RAP2A: variants seen among roughly 807,000 people sequenced by gnomAD.
The protein encoded by RAP2A is ras-related protein Rap-2a.
Under a neutral mutation model 15.1 loss-of-function variants are expected in RAP2A, and 5 were observed. The ratio of observed to expected loss-of-function variants is 0.33; its 90% CI spans 0.17 to 0.70. RAP2A has a LOEUF of 0.70. Ranked by LOEUF, RAP2A falls within the 30% of genes least tolerant of loss-of-function variation. RAP2A has a pLI of 0.68. For missense variants in RAP2A, 111 were observed against 240.3 expected (o/e 0.46, Z 3.56); for synonymous variants, 110 against 99.7 (o/e 1.10, Z -0.62).
In RAP2A at chr13:97,434,500, C is replaced by T; in HGVS notation, c.30C>T (p.Gly10=). The T allele has an allele frequency of 6.2e-7, 1 of 1,611,866 alleles. No individual in the cohort carries two copies. Among genetic ancestry groups the T allele is most frequent in the Non-Finnish European group, 8.5e-7 (1 of 1,178,764 alleles). The part of the protein sequence containing the change: MREYKVVVL[G]SGGVGKSALT... ...GCGAGTACAAAGTGGTGGTGCTGGG[C>T]TCGGGCGGGGTAGGCAAATCCGCCC... Residue 10 remains glycine, a synonymous_variant, in exon 1 of 2, where the codon GGC becomes GGT. Transcript: ENST00000245304.
chr13:97,448,451 A>G (rs1016421499), intron 1 of RAP2A, among the ~76,000 whole-genome samples: 1 of 152,168 alleles, frequency 6.6e-6, no homozygotes, highest in Non-Finnish European at 1.5e-5. Context: ...TGATTGCCCA[A>G]GTGTGGTGTG....
Position 97,464,716 on chromosome 13 carries a change from TATG to T in RAP2A, c.*278_*280del. ...CTACAGGGTGATCTCATTTGAAAGC[TATG>T]ATGGCATTGTCGCTGAGTTGACAGA... On this transcript the variant is annotated 3_prime_UTR_variant, in exon 2 of 2. Transcript: ENST00000245304. 1 of 412,886 alleles carries T rather than the reference TATG, an allele frequency of 2.4e-6. No individual in the cohort carries two copies. The allele number at this position is 412,886 out of a possible 1,614,324, so 25.6% of individuals were successfully genotyped here.
rs1037165982 is a variant in RAP2A at position 97,468,796 on chromosome 13, T to G, written c.*4354T>G. ...TTTAAATGTATCAATAGTGGATAGT[T>G]GGAAGAACGTCTTTGAGGCTAAAAA... On this transcript the variant is annotated 3_prime_UTR_variant, in exon 2 of 2. Transcript: ENST00000245304. The G allele has an allele frequency of 2.0e-5, 3 of 152,224 alleles. No individual in the cohort carries two copies. Among genetic ancestry groups the G allele is most frequent in the African/African-American group, 7.2e-5 (3 of 41,448 alleles). 9.4% of individuals were successfully genotyped at this position (152,224 alleles called of 1,614,324 possible). A position where few individuals can be genotyped will look rare whatever the true frequency, so the allele number is the denominator to read the frequency against.
At chr13:97,450,175 T>C (rs767804604) in intron 1 of RAP2A, among the ~76,000 whole-genome samples, 9 of 152,196 alleles carry the variant, frequency 5.9e-5, no homozygotes, top group African/African-American at 1.7e-4. Context: ...TTTAAAAAAG[T>C]AGTGTAATTG....
intron 1 of RAP2A, among the ~76,000 whole-genome samples, chr13:97,446,294 A>G (rs902569017): frequency 3.9e-5 from 6 of 152,134 alleles, no homozygotes; most frequent in African/African-American, 1.4e-4. Context: ...TGACAATTCA[A>G]ATCCCATTTG....
intron 1 of RAP2A, among the ~76,000 whole-genome samples, chr13:97,444,628 G>A (rs2389908): frequency 0.3 from 45,193 of 152,082 alleles, 7,766 homozygotes; most frequent in Non-Finnish European, 0.39. Context: ...CTTCTGGTGT[G>A]CCAAAATGTC....
chr13:97,459,226 G>C (rs1289395997), intron 1 of RAP2A, among the ~76,000 whole-genome samples: 3 of 151,768 alleles, frequency 2.0e-5, no homozygotes, highest in Non-Finnish European at 4.4e-5. Flanking sequence ...TGAGAATTTT[G>C]CATCTTTAGC....
At chr13:97,458,779 G>A (rs995129508) in intron 1 of RAP2A, among the ~76,000 whole-genome samples, 1 of 151,292 alleles carries the variant, frequency 6.6e-6, no homozygotes, top group African/African-American at 2.4e-5. Flanking sequence ...AAAGGAGAAA[G>A]CAAAATAAAG....
At chr13:97,435,416 CTGTT>C (rs903538325) in intron 1 of RAP2A, among the ~76,000 whole-genome samples, 6 of 127,000 alleles carry the variant, frequency 4.7e-5, no homozygotes, top group East Asian at 2.3e-4. Context: ...TGCAGCTTAA[CTGTT>C]TGTTTTTGTT....
intron 1 of RAP2A, among the ~76,000 whole-genome samples, chr13:97,440,183 A>C (rs1263611396): frequency 6.6e-6 from 1 of 152,164 alleles, no homozygotes; most frequent in East Asian, 1.9e-4. Context: ...CCAGTACCAA[A>C]ACTTAATTCA....
intron 1 of RAP2A, 33 bp from the exon 2 acceptor site, chr13:97,464,172 C>A (rs1262194477): frequency 6.2e-7 from 1 of 1,604,210 alleles, no homozygotes; most frequent in Non-Finnish European, 8.5e-7. Context: ...CTAACTGTTA[C>A]AATGTATGTG....
intron 1 of RAP2A, among the ~76,000 whole-genome samples, chr13:97,442,201 CTA>C (rs2066660568): frequency 6.6e-6 from 1 of 151,926 alleles, no homozygotes; most frequent in African/African-American, 2.4e-5. Flanking sequence ...ATCAAAATAA[CTA>C]AAAACAATAT....
chr13:97,461,968 A>AT (rs1490449289), intron 1 of RAP2A, among the ~76,000 whole-genome samples: 19 of 142,192 alleles, frequency 1.3e-4, no homozygotes, highest in East Asian at 8.4e-4. Context: ...GTCTCAAAAA[A>AT]AAAATATATA....
rs117393201 is a variant in RAP2A at position 97,467,986 on chromosome 13, A to G, written c.*3544A>G. The stretch of plus-strand genomic sequence containing the variant: ...TTATTTTAACAAATAAATTTATTTA[A>G]TGAAACTCTGGATTTGCTTTGTTTT... On this transcript the variant is annotated 3_prime_UTR_variant, in exon 2 of 2. Transcript: ENST00000245304. 1 of 152,314 alleles carries G rather than the reference A, an allele frequency of 6.6e-6. No homozygotes were observed. The highest frequency in any genetic ancestry group is 1.5e-5 in the Non-Finnish European group (1 of 68,040). 9.4% of individuals were successfully genotyped at this position (152,314 alleles called of 1,614,324 possible).
intron 1 of RAP2A, among the ~76,000 whole-genome samples, chr13:97,448,343 C>A (rs2066688192): frequency 6.6e-6 from 1 of 152,152 alleles, no homozygotes; most frequent in South Asian, 2.1e-4. Context: ...TTTGAGAGAA[C>A]TTAGAGAAGG....
chr13:97,452,473 A>G (rs1373497479), intron 1 of RAP2A, among the ~76,000 whole-genome samples: 2 of 151,204 alleles, frequency 1.3e-5, no homozygotes, highest in Admixed American at 6.6e-5. Context: ...TCTCTTTTGC[A>G]TTTCTCCCTT....
At chr13:97,442,806 G>C (rs758215417) in intron 1 of RAP2A, among the ~76,000 whole-genome samples, 5 of 152,112 alleles carry the variant, frequency 3.3e-5, no homozygotes, top group Non-Finnish European at 7.4e-5. Flanking sequence ...GCAATGCTGT[G>C]TAAGATTACG....
At chr13:97,444,218 C>G (rs2066670035) in intron 1 of RAP2A, among the ~76,000 whole-genome samples, 2 of 152,158 alleles carry the variant, frequency 1.3e-5, no homozygotes, top group Non-Finnish European at 2.9e-5. Flanking sequence ...TTGCCTTCCC[C>G]TAGAGACCTA....
In RAP2A at chr13:97,455,045, TTGTC is replaced by T. The variant is rs534570496; in HGVS notation, c.315-9156_315-9153del. On this transcript the variant is annotated intron_variant, in intron 1 of 1. Transcript: ENST00000245304. Reference sequence around the variant, plus strand: ...TTTGGCTGCTTTCAAGATTTTATCTTTGTCTGTAGTTTCAAATGATTTGATTATA... The same window carrying T: ...TTTGGCTGCTTTCAAGATTTTATCTTTGTAGTTTCAAATGATTTGATTATA... 6.1e-4 allele frequency among the ~76,000 whole-genome samples: 93 copies of T among 151,532 alleles called. 3 individuals are homozygous for T. Among genetic ancestry groups the T allele is most frequent in the African/African-American group, 1.5e-3 (62 of 41,196 alleles).
Sources: gnomAD v4.1 joint callset for allele counts (sites outside exome capture counted in the v4.1 genomes callset) on GRCh38, gnomAD v4.1.1 for gene constraint, MANE v1.5 for transcripts, NCBI Gene and HGNC (gene_info 2026-07-23, HGNC 2026-07-21) for gene names.